The following GPI variants were observed in gnomAD, a reference collection of about 807,000 sequenced individuals.
GPI encodes the protein D-hexose-6-phosphate anomerase.
Under a neutral mutation model 75.8 loss-of-function variants are expected in GPI, and 56 were observed. The observed-to-expected ratio is 0.74, with a 90% CI of 0.60 to 0.92. The LOEUF (loss-of-function observed/expected upper bound fraction) is 0.92, where lower values mean the gene tolerates loss of function less well. GPI is among the 40% of genes least tolerant of loss of function. The pLI is 0.00. For synonymous variants in GPI, 288 were observed against 285.4 expected, an observed-to-expected ratio of 1.01 and a Z score of -0.09; for missense variants, 638 against 741.0, an observed-to-expected ratio of 0.86 and a Z score of 1.61.
intron 4 of GPI, among the ~76,000 whole-genome samples, chr19:34,370,257 C>A (rs1434432836): frequency 6.6e-6 from 1 of 152,200 alleles, no homozygotes; most frequent in Non-Finnish European, 1.5e-5. Context: ...GACATCCTCA[C>A]GTCTGGAGAA....
intron 1 of GPI, chr19:34,365,982 G>C (rs1329002915): frequency 1.9e-6 from 1 of 527,426 alleles, no homozygotes; most frequent in African/African-American, 1.9e-5. Context: ...GGGGAGGGGA[G>C]CGACTGTGGC....
In GPI at chr19:34,400,301, T is replaced by C; in HGVS notation, c.*265T>C. 2 of 596,722 alleles carry C rather than the reference T, an allele frequency of 3.4e-6. No individual in the cohort carries two copies. The highest frequency in any genetic ancestry group is 2.8e-5 in the East Asian group (1 of 35,826). 37.0% of individuals were successfully genotyped at this position (596,722 alleles called of 1,614,324 possible). On this transcript the variant is annotated 3_prime_UTR_variant, in exon 18 of 18. Transcript: ENST00000356487. ...CCATGTTCACGTTGTTCACATCCCATGTAGAAAAATAAAGATGCCACGGAG... is the reference window on the plus strand; with the variant it reads ...CCATGTTCACGTTGTTCACATCCCACGTAGAAAAATAAAGATGCCACGGAG...
In GPI at chr19:34,372,930, C is replaced by T. The variant is rs539060981; in HGVS notation, c.402+4228C>T. ...CTGGGATTACAGGTACCTGCCACCA[C>T]ACCCAGCTAATTTTTGTGTTTTTAG... is the stretch of plus-strand genomic sequence containing the variant. On this transcript the variant is annotated intron_variant, in intron 4 of 17. Coordinates refer to ENST00000356487, the MANE Select transcript of GPI (RefSeq NM_000175.5). Among the ~76,000 whole-genome samples the T allele has an allele frequency of 7.9e-5, 12 of 152,198 alleles. No individual in the cohort carries two copies. In the East Asian group the frequency reaches 2.0e-3, roughly 25 times the overall value.
At chr19:34,385,966 C>T (rs2074728585) in intron 9 of GPI, among the ~76,000 whole-genome samples, 1 of 150,092 alleles carries the variant, frequency 6.7e-6, no homozygotes, top group Admixed American at 6.6e-5. Flanking sequence ...CCAAGGTCAA[C>T]TACAGGTAGG....
intron 3 of GPI, among the ~76,000 whole-genome samples, chr19:34,367,452 C>T (rs1454294858): frequency 6.6e-6 from 1 of 152,200 alleles, no homozygotes; most frequent in Non-Finnish European, 1.5e-5. Context: ...ACCTGTCTTG[C>T]ATTGTGGGTC....
intron 14 of GPI, 23 bp downstream of exon 14, chr19:34,396,680 A>G: frequency 6.2e-7 from 1 of 1,602,758 alleles, no homozygotes; most frequent in South Asian, 1.1e-5. Context: ...ATCTGGCCCC[A>G]TCTGGGGGGT....
At chr19:34,379,815 G>C (rs781576880) in intron 8 of GPI, 6 of 613,622 alleles carry the variant, frequency 9.8e-6, no homozygotes, top group Non-Finnish European at 1.8e-5. Flanking sequence ...TCCCAGGCCT[G>C]ACTGATACAC....
upstream of GPI, among the ~76,000 whole-genome samples, chr19:34,360,198 C>A (rs547674241): frequency 2.0e-5 from 3 of 152,146 alleles, no homozygotes; most frequent in Admixed American, 6.6e-5. Flanking sequence ...TTCACTACCC[C>A]CCAGGATCCT....
chr19:34,374,227 G>A (rs1055539898), intron 4 of GPI, among the ~76,000 whole-genome samples: 39 of 146,822 alleles, frequency 2.7e-4, no homozygotes, highest in Non-Finnish European at 4.8e-4. Context: ...CAAGTGATCC[G>A]CCTGCCTTGC....
intron 12 of GPI, among the ~76,000 whole-genome samples, chr19:34,395,742 A>G (rs1459610725): frequency 6.6e-6 from 1 of 152,024 alleles, no homozygotes; most frequent in Admixed American, 6.6e-5. Flanking sequence ...GTGGGGAGGA[A>G]GGGGATCGTG....
At chr19:34,394,583 GTGTATCTAGTC>G (rs2074917788) in intron 12 of GPI, among the ~76,000 whole-genome samples, 1 of 38,046 alleles carries the variant, frequency 2.6e-5, no homozygotes, top group Admixed American at 2.6e-4. Context: ...AAAAGCAAGT[GTGTATCTAGTC>G]TGTGGTGGCC....
chr19:34,376,594 C>T (rs1294314810), intron 4 of GPI, among the ~76,000 whole-genome samples: 2 of 150,774 alleles, frequency 1.3e-5, no homozygotes, highest in Non-Finnish European at 2.9e-5. Context: ...TAAAGCAGAG[C>T]ATTTTGTTCT....
chr19:34,384,356 G>A (rs917575544), intron 9 of GPI, among the ~76,000 whole-genome samples: 1 of 152,190 alleles, frequency 6.6e-6, no homozygotes, highest in Non-Finnish European at 1.5e-5. Flanking sequence ...GTGAGACACA[G>A]GTATGTATTT....
upstream of GPI, among the ~76,000 whole-genome samples, chr19:34,362,311 A>G (rs2074305731): frequency 6.6e-6 from 1 of 152,168 alleles, no homozygotes; most frequent in Non-Finnish European, 1.5e-5. Context: ...TCTCAAAAAA[A>G]AAGAAGAAAA....
upstream of GPI, chr19:34,365,185 C>T (rs1353209133): frequency 3.0e-6 from 4 of 1,314,742 alleles, no homozygotes; most frequent in African/African-American, 4.6e-5. Flanking sequence ...CGCCGCGCGC[C>T]CACGCGCCTC....
chr19:34,377,433 G>T, intron 4 of GPI, 70 bp from the exon 5 acceptor site: 1 of 1,127,522 alleles, frequency 8.9e-7, no homozygotes, highest in Non-Finnish European at 1.4e-6. Flanking sequence ...GGACACGGCA[G>T]TAATGATGTT....
intron 1 of GPI, 33 bp from the exon 2 acceptor site, chr19:34,366,312 G>A (rs2074364274): frequency 3.7e-6 from 5 of 1,340,578 alleles, no homozygotes; most frequent in Admixed American, 1.7e-5. Context: ...GGGAGACCAG[G>A]GTGTGGTCAG....
chr19:34,381,240 G>A (rs2074646156), intron 8 of GPI: 7 of 607,216 alleles, frequency 1.2e-5, no homozygotes, highest in South Asian at 7.6e-5. Context: ...CAGGCACAAC[G>A]TCACTGGCGT....
chr19:34,364,881 G>C, upstream of GPI: 2 of 1,170,628 alleles, frequency 1.7e-6, no homozygotes, highest in Non-Finnish European at 2.4e-6. Context: ...GAATGAAGCC[G>C]ACTAGTGCAC....
Sources: allele counts gnomAD v4.1 joint callset (sites outside exome capture counted in the v4.1 genomes callset), GRCh38; gene constraint gnomAD v4.1.1; transcripts MANE v1.5; gene names NCBI Gene and HGNC (gene_info 2026-07-23, HGNC 2026-07-21).